Variants in DLG2 observed in about 807,000 individuals in gnomAD.
DLG2 encodes disks large homolog 2.
In DLG2, 45 loss-of-function variants were observed where a neutral mutation model predicts 132.5. The observed-to-expected ratio is 0.34, with a 90% CI of 0.27 to 0.44. The LOEUF is 0.44. DLG2 is among the 20% of genes least tolerant of loss of function. DLG2 has a pLI of 1.00. For missense variants in DLG2, 1,045 were observed against 1,196.9 expected, an observed-to-expected ratio of 0.87 and a Z score of 1.87; for synonymous variants, 424 against 419.6, an observed-to-expected ratio of 1.01 and a Z score of -0.13.
chr11:83,882,803 T>C (rs1595884510), intron 15 of DLG2, among the ~76,000 whole-genome samples: 1 of 152,356 alleles, frequency 6.6e-6, no homozygotes, highest in East Asian at 1.9e-4. Context: ...GAATGTCTAA[T>C]AGGATTATCA....
At position 84,986,722 on chromosome 11, in the gene DLG2, T is replaced by C. The variant is rs183567784; in HGVS notation, c.357+124939A>G. On this transcript the variant is annotated intron_variant, in intron 6 of 27. Transcript: ENST00000376104. ...GACAAAATTCAGCGTATTTTTATAA[T>C]TAAAACTCTCAGCAAAATCAGCATA... is the stretch of plus-strand genomic sequence containing the variant. Among the ~76,000 whole-genome samples the C allele has an allele frequency of 5.0e-4, 76 of 152,274 alleles. 1 individual carries two copies. The highest frequency in any genetic ancestry group is 7.6e-4 in the Non-Finnish European group (52 of 68,020).
chr11:85,543,438 A>C (rs2076102539), intron 3 of DLG2, among the ~76,000 whole-genome samples: 1 of 152,238 alleles, frequency 6.6e-6, no homozygotes, highest in Non-Finnish European at 1.5e-5. Flanking sequence ...ACAATGCCAC[A>C]ATAAACATAT....
At chr11:84,059,069 T>C (rs959459138) in intron 11 of DLG2, among the ~76,000 whole-genome samples, 3 of 152,140 alleles carry the variant, frequency 2.0e-5, no homozygotes, top group African/African-American at 7.2e-5. Context: ...TAGAAAAACA[T>C]AGATGACTGT....
At chr11:85,176,783 A>G (rs1202333194) in intron 4 of DLG2, among the ~76,000 whole-genome samples, 2 of 152,122 alleles carry the variant, frequency 1.3e-5, no homozygotes, top group Admixed American at 6.6e-5. Context: ...CAACTCAATT[A>G]AAAAGTAGGC....
At chr11:84,213,034 C>T (rs1371081847) in intron 8 of DLG2, among the ~76,000 whole-genome samples, 1 of 152,166 alleles carries the variant, frequency 6.6e-6, no homozygotes, top group East Asian at 1.9e-4. Context: ...GTGTGAGCCA[C>T]ACTGTTATTA....
intron 11 of DLG2, among the ~76,000 whole-genome samples, chr11:84,043,212 A>T (rs538061596): frequency 7.3e-5 from 11 of 151,612 alleles, no homozygotes; most frequent in Non-Finnish European, 1.0e-4. Context: ...AAATAAATTT[A>T]AAAAATTTAT....
intron 6 of DLG2, among the ~76,000 whole-genome samples, chr11:84,746,738 CA>C (rs1229170787): frequency 6.6e-6 from 1 of 152,174 alleles, no homozygotes; most frequent in Non-Finnish European, 1.5e-5. Context: ...ACTGCTTAAA[CA>C]ATAAGAATAT....
intron 6 of DLG2, among the ~76,000 whole-genome samples, chr11:85,084,391 T>C (rs1444694646): frequency 6.6e-6 from 1 of 152,204 alleles, no homozygotes; most frequent in African/African-American, 2.4e-5. Context: ...TGTTCTTTTC[T>C]GGTTTCTTTT....
chr11:84,277,037 C>A (rs1435264050), intron 7 of DLG2, among the ~76,000 whole-genome samples: 1 of 152,146 alleles, frequency 6.6e-6, no homozygotes, highest in Non-Finnish European at 1.5e-5. Flanking sequence ...AAGGAGGAAT[C>A]CAGTTGTGGC....
chr11:83,587,381 C>G (rs1306927121), intron 19 of DLG2, among the ~76,000 whole-genome samples: 1 of 152,002 alleles, frequency 6.6e-6, no homozygotes, highest in Non-Finnish European at 1.5e-5. Flanking sequence ...GTGATCCTCC[C>G]ACCTCAGCCT....
rs574291828 is a variant in DLG2, at chr11:84,786,673, T to A, written c.358-251942A>T. On this transcript the variant is annotated intron_variant, in intron 6 of 27. Transcript: ENST00000376104. ...TAAAGCTCCAATGAGCCATAACCAA[T>A]CTCTTCTGAAGCATTCCACCCATTG... 2.4e-4 allele frequency among the ~76,000 whole-genome samples: 37 copies of A among 152,286 alleles called. 1 individual carries two copies. The highest frequency in any genetic ancestry group is 6.8e-3 in the Middle Eastern group (2 of 294).
At chr11:83,882,481 C>G (rs2066554378) in intron 15 of DLG2, among the ~76,000 whole-genome samples, 1 of 152,106 alleles carries the variant, frequency 6.6e-6, no homozygotes, top group South Asian at 2.1e-4. Context: ...TTTTTCATTC[C>G]ATAGCCAAAG....
intron 14 of DLG2, among the ~76,000 whole-genome samples, chr11:83,958,800 A>G (rs2087631072): frequency 6.6e-6 from 1 of 152,140 alleles, no homozygotes; most frequent in Non-Finnish European, 1.5e-5. Context: ...ATAGTTTTTC[A>G]TAATTGCTAC....
intron 3 of DLG2, among the ~76,000 whole-genome samples, chr11:85,406,421 AAGTT>A (rs1309663580): frequency 1.3e-5 from 2 of 151,864 alleles, no homozygotes; most frequent in South Asian, 2.1e-4. Flanking sequence ...AAAACAGAAA[AAGTT>A]AGAATACTGA....
intron 6 of DLG2, among the ~76,000 whole-genome samples, chr11:84,818,051 C>T (rs1380705619): frequency 2.0e-5 from 3 of 151,942 alleles, no homozygotes; most frequent in Non-Finnish European, 4.4e-5. Flanking sequence ...ATAAATACAT[C>T]TTCCTAACAA....
chr11:85,268,376 G>T (rs1046806491), intron 4 of DLG2, among the ~76,000 whole-genome samples: 1 of 152,140 alleles, frequency 6.6e-6, no homozygotes, highest in Non-Finnish European at 1.5e-5. Flanking sequence ...GAGTCTTCCT[G>T]CCTTTTCTTC....
chr11:83,878,157 T>C (rs1252345835), intron 15 of DLG2, among the ~76,000 whole-genome samples: 3 of 152,196 alleles, frequency 2.0e-5, no homozygotes, highest in Non-Finnish European at 2.9e-5. Context: ...CCCAGGGCTA[T>C]GAATCACTAA....
intron 19 of DLG2, among the ~76,000 whole-genome samples, chr11:83,554,227 T>A (rs1426881505): frequency 6.6e-6 from 1 of 152,164 alleles, no homozygotes; most frequent in Non-Finnish European, 1.5e-5. Context: ...AGCTGGGACA[T>A]TTTTCCATGC....
intron 6 of DLG2, among the ~76,000 whole-genome samples, chr11:84,875,113 C>T (rs2154048293): frequency 6.6e-6 from 1 of 151,460 alleles, no homozygotes; most frequent in African/African-American, 2.4e-5. Flanking sequence ...TGGTATCTGA[C>T]ATGACCAAAT....
Sources: gnomAD v4.1 joint callset for allele counts (sites outside exome capture counted in the v4.1 genomes callset) on GRCh38, gnomAD v4.1.1 for gene constraint, MANE v1.5 for transcripts, NCBI Gene and HGNC (gene_info 2026-07-23, HGNC 2026-07-21) for gene names.